Variants in TRA2B observed in about 807,000 individuals in gnomAD.
TRA2B encodes the protein transformer 2 beta homolog.
A neutral mutation model predicts 41.7 loss-of-function variants in TRA2B; 14 were observed. That is an observed-to-expected ratio of 0.34 (90% CI 0.22 to 0.53). TRA2B has a LOEUF of 0.53. Ranked by LOEUF, TRA2B falls within the 20% of genes least tolerant of loss-of-function variation. The pLI is 0.95. For synonymous variants in TRA2B, 130 were observed against 128.8 expected (o/e 1.01, Z -0.06); for missense variants, 167 against 396.8 (o/e 0.42, Z 4.92).
chr3:185,934,482 C>G (rs1317961413), intron 1 of TRA2B: 1 of 985,236 alleles, frequency 1.0e-6, no homozygotes, highest in Non-Finnish European at 1.2e-6. Context: ...TAGTTCCAGA[C>G]AATATCCACA....
intron 6 of TRA2B, among the ~76,000 whole-genome samples, chr3:185,919,948 C>A (rs999380052): frequency 6.6e-6 from 1 of 152,112 alleles, no homozygotes; most frequent in Admixed American, 6.6e-5. Flanking sequence ...TTATCAATGA[C>A]AACTGTGGTC....
chr3:185,937,790 A>C (rs1405372514), intron 1 of TRA2B, 35 bp downstream of exon 1: 1 of 1,613,870 alleles, frequency 6.2e-7, no homozygotes, highest in Non-Finnish European at 8.5e-7. Flanking sequence ...AGGAGCTAGG[A>C]CCACACAGCC....
chr3:185,929,304 A>G (rs16860333), intron 1 of TRA2B, among the ~76,000 whole-genome samples: 5,301 of 152,266 alleles, frequency 0.035, 282 homozygotes, highest in African/African-American at 0.12. Context: ...CACCCAAATC[A>G]AAAGCATAAT....
intron 1 of TRA2B, chr3:185,937,048 A>G: frequency 2.0e-6 from 2 of 985,446 alleles, no homozygotes; most frequent in Non-Finnish European, 2.4e-6. Context: ...AATCCCGTGG[A>G]AATGCGATGT....
rs1429729912 is a variant in TRA2B, at chr3:185,917,415, A to G, written c.*300T>C. 3 of 383,160 alleles carry G rather than the reference A, an allele frequency of 7.8e-6. No homozygotes were observed. The highest frequency in any genetic ancestry group is 1.4e-5 in the Non-Finnish European group (3 of 212,842). The allele number at this position is 383,160 out of a possible 1,614,324, so 23.7% of individuals were successfully genotyped here. ...CTTCAGAATACCCTGGATTCAGTAG[A>G]AAAACCTTTTAAATGAAGTTTTGTA... On this transcript the variant is annotated 3_prime_UTR_variant, in exon 9 of 9. Coordinates refer to ENST00000453386, the MANE Select transcript of TRA2B (RefSeq NM_004593.3).
chr3:185,925,258 C>A, intron 3 of TRA2B: 1 of 490,578 alleles, frequency 2.0e-6, no homozygotes, highest in Non-Finnish European at 3.5e-6. Context: ...ACCATTGTGT[C>A]AGTATTATGC....
chr3:185,921,297 C>T, intron 5 of TRA2B, 110 bp from the exon 6 acceptor site: 1 of 911,278 alleles, frequency 1.1e-6, no homozygotes, highest in African/African-American at 1.6e-5. Flanking sequence ...AAAATTATTC[C>T]TGTTAAAATT....
At position 185,915,054 on chromosome 3, in the gene TRA2B, G is replaced by C. The variant is rs1743454975; in HGVS notation, c.*2661C>G. On this transcript the variant is annotated 3_prime_UTR_variant, in exon 9 of 9. Coordinates refer to ENST00000453386, the MANE Select transcript of TRA2B (RefSeq NM_004593.3). Reference sequence around the variant, plus strand: ...TTTCCATAAGGAAATGTGCAAGCTAGATCCCTCTCAAGCGCACTTCACAAT... The same window carrying C: ...TTTCCATAAGGAAATGTGCAAGCTACATCCCTCTCAAGCGCACTTCACAAT... Among the ~76,000 whole-genome samples the C allele has an allele frequency of 6.6e-6, 1 of 152,156 alleles. No individual in the cohort carries two copies. The highest frequency in any genetic ancestry group is 2.1e-4 in the South Asian group (1 of 4,832).
intron 8 of TRA2B, 78 bp from the exon 9 acceptor site, chr3:185,917,803 A>G (rs922091717): frequency 1.3e-6 from 2 of 1,492,548 alleles, no homozygotes; most frequent in African/African-American, 2.8e-5. Flanking sequence ...AGAATTTCAG[A>G]ATATTCTGCC....
chr3:185,936,080 A>C (rs1399204740), intron 1 of TRA2B: 2 of 985,430 alleles, frequency 2.0e-6, no homozygotes, highest in African/African-American at 1.7e-5. Context: ...AAAATATACT[A>C]ATGAACTCTG....
At chr3:185,937,097 T>G (rs995340007) in intron 1 of TRA2B, 1 of 985,470 alleles carries the variant, frequency 1.0e-6, no homozygotes, top group Non-Finnish European at 1.2e-6. Flanking sequence ...TCTGTCCTAA[T>G]AGAATACTGA....
At chr3:185,932,380 G>A (rs571845673) in intron 1 of TRA2B, among the ~76,000 whole-genome samples, 2 of 152,270 alleles carry the variant, frequency 1.3e-5, no homozygotes, top group African/African-American at 4.8e-5. Flanking sequence ...GAGCTCTGCA[G>A]AAAGACGGTG....
intron 1 of TRA2B, among the ~76,000 whole-genome samples, chr3:185,934,182 TAAAA>T (rs577363083): frequency 6.6e-6 from 1 of 152,084 alleles, no homozygotes; most frequent in Admixed American, 6.6e-5. Context: ...CATGCCTTGT[TAAAA>T]AAACAGTCGC....
chr3:185,927,865 G>C (rs983886396), intron 1 of TRA2B: 3 of 152,210 alleles, frequency 2.0e-5, no homozygotes, highest in Admixed American at 1.3e-4. Flanking sequence ...TGATAGCTAG[G>C]TAAAATTATC....
At chr3:185,935,670 GCAT>G (rs1744322351) in intron 1 of TRA2B, 1 of 985,440 alleles carries the variant, frequency 1.0e-6, no homozygotes, top group African/African-American at 1.7e-5. Flanking sequence ...CTCCAGAGAA[GCAT>G]CATTTACACC....
intron 7 of TRA2B, 136 bp downstream of exon 7, chr3:185,919,301 G>T: frequency 3.3e-6 from 2 of 604,150 alleles, no homozygotes; most frequent in Middle Eastern, 3.2e-4. Flanking sequence ...TTTAGTTTCC[G>T]TTAGAATATT....
rs186552546 is a variant in TRA2B at position 185,921,784 on chromosome 3, C to A, written c.638+227G>T. On this transcript the variant is annotated intron_variant, in intron 5 of 8. Coordinates refer to ENST00000453386, the MANE Select transcript of TRA2B (RefSeq NM_004593.3). ...GTCTCAAAACAAAACAAAAACAAAACCAAACAACAACAAACAAAAAATTTA... is the reference window on the plus strand; with the variant it reads ...GTCTCAAAACAAAACAAAAACAAAAACAAACAACAACAAACAAAAAATTTA... 1.8e-4 allele frequency among the ~76,000 whole-genome samples: 28 copies of A among 152,068 alleles called. No homozygotes were observed. The East Asian group carries it at 5.4e-3, about 29-fold the overall frequency.
At chr3:185,928,353 G>A (rs2247622) in intron 1 of TRA2B, 12,788 of 152,166 alleles carry the variant, frequency 0.084, 887 homozygotes, top group South Asian at 0.3. Flanking sequence ...ATGGTGGGGT[G>A]ACATGAAATG....
At chr3:185,934,886 T>C in intron 1 of TRA2B, 1 of 985,452 alleles carries the variant, frequency 1.0e-6, no homozygotes, top group Non-Finnish European at 1.2e-6. Context: ...ATAGCCAGTA[T>C]TCTATCAGAG....
Sources: gnomAD v4.1 joint callset for allele counts (sites outside exome capture counted in the v4.1 genomes callset) on GRCh38, gnomAD v4.1.1 for gene constraint, MANE v1.5 for transcripts, NCBI Gene and HGNC (gene_info 2026-07-23, HGNC 2026-07-21) for gene names.